The following CASD1 variants were observed in gnomAD, a reference collection of about 807,000 sequenced individuals.
The protein encoded by CASD1 is N-acetylneuraminate (7)9-O-acetyltransferase.
CASD1 carries 41 observed loss-of-function variants against 100.0 expected under a neutral mutation model. The ratio of observed to expected loss-of-function variants is 0.41; its 90% confidence interval spans 0.32 to 0.53. The LOEUF (loss-of-function observed/expected upper bound fraction) is 0.53. Ranked by LOEUF, CASD1 falls within the 20% of genes least tolerant of loss-of-function variation. CASD1 has a pLI of 0.25. For missense variants in CASD1, 774 were observed against 948.7 expected (o/e 0.82, Z 2.42); for synonymous variants, 321 against 315.6 (o/e 1.02, Z -0.18).
intron 1 of CASD1, among the ~76,000 whole-genome samples, chr7:94,513,026 GGGTTAAACAACT>G (rs574147326): frequency 2.9e-3 from 435 of 152,304 alleles, no homozygotes; most frequent in South Asian, 8.3e-3. Context: ...AGGGAAGCAT[GGGTTAAACAACT>G]TAGAAACAGT....
downstream of CASD1, among the ~76,000 whole-genome samples, chr7:94,560,733 TTAAA>T (rs1339262508): frequency 1.3e-5 from 2 of 152,162 alleles, no homozygotes; most frequent in Non-Finnish European, 1.5e-5. Flanking sequence ...GAAATATTCT[TTAAA>T]TAGCCCTGGG....
chr7:94,587,398 C>G, the CASD1 span: 2 of 1,117,706 alleles, frequency 1.8e-6, no homozygotes, highest in Non-Finnish European at 1.1e-6. Context: ...CTACTCACTC[C>G]ATGCCTGAAA....
chr7:94,555,916 A>G lies in CASD1; in HGVS notation c.*158A>G, dbSNP rs975757982. On this transcript the variant is annotated 3_prime_UTR_variant, in exon 18 of 18. Coordinates refer to ENST00000297273, the MANE Select transcript of CASD1 (RefSeq NM_022900.5). ...ATCTGTTGAACATATGTGGTTGTAT[A>G]TATTGGAAATGTACATATCCAATAT... The G allele has an allele frequency of 3.0e-5, 21 of 704,312 alleles. No individual in the cohort carries two copies. Among genetic ancestry groups the G allele is most frequent in the Non-Finnish European group, 3.9e-5 (17 of 435,784 alleles). 43.6% of individuals were successfully genotyped at this position (704,312 alleles called of 1,614,324 possible).
chr7:94,598,658 T>C, the CASD1 span: 3 of 806,264 alleles, frequency 3.7e-6, no homozygotes, highest in Admixed American at 3.5e-5. Context: ...TGTCCTTTTG[T>C]TATTTTCTCT....
the CASD1 span, chr7:94,597,624 AG>A: frequency 2.0e-5 from 3 of 152,360 alleles, no homozygotes; most frequent in East Asian, 5.8e-4. Context: ...CATCTATAAA[AG>A]TAAAGTGAAA....
chr7:94,555,245 C>A (rs537940060), intron 17 of CASD1, among the ~76,000 whole-genome samples: 3 of 151,960 alleles, frequency 2.0e-5, no homozygotes, highest in Non-Finnish European at 4.4e-5. Flanking sequence ...ATAAATTCCT[C>A]TTTGAGTTCT....
At chr7:94,615,697 G>A in the CASD1 span, among the ~76,000 whole-genome samples, 10 of 152,292 alleles carry the variant, frequency 6.6e-5, no homozygotes, top group South Asian at 2.1e-3. Flanking sequence ...GGAAATAGTG[G>A]TAAGTTTGAC....
the CASD1 span, chr7:94,629,969 A>G: frequency 1.1e-5 from 11 of 1,024,826 alleles, no homozygotes; most frequent in East Asian, 2.5e-5. Context: ...CTGAAGCAAC[A>G]TGCAAGGAAA....
chr7:94,552,872 G>A (rs1049295841), intron 16 of CASD1, among the ~76,000 whole-genome samples: 1 of 152,162 alleles, frequency 6.6e-6, no homozygotes, highest in Non-Finnish European at 1.5e-5. Context: ...AGAAGGCGGA[G>A]GTTGCAGTGA....
the CASD1 span, among the ~76,000 whole-genome samples, chr7:94,612,801 A>G: frequency 6.6e-6 from 1 of 151,988 alleles, no homozygotes; most frequent in South Asian, 2.1e-4. Context: ...TCCTCCTTCT[A>G]TCTTCTTCTC....
At position 94,553,200 on chromosome 7, in the gene CASD1, T is replaced by C. The variant is rs368303460; in HGVS notation, c.2034+773T>C. On this transcript the variant is annotated intron_variant, in intron 16 of 17. Coordinates refer to ENST00000297273, the MANE Select transcript of CASD1 (RefSeq NM_022900.5). ...TATTTACAATGTTTCTTTAAATGAC[T>C]CACAACCTGTGCTATAGTAAGTACC... The C allele has an allele frequency of 2.7e-4, 111 of 414,276 alleles. 1 individual carries two copies. Among genetic ancestry groups the C allele is most frequent in the African/African-American group, 2.3e-3 (110 of 48,174 alleles). The allele number at this position is 414,276 out of a possible 1,614,324, so 25.7% of individuals were successfully genotyped here. A position where few individuals can be genotyped will look rare whatever the true frequency, so the allele number is the denominator to read the frequency against.
the CASD1 span, among the ~76,000 whole-genome samples, chr7:94,601,572 C>G: frequency 1.3e-5 from 2 of 149,926 alleles, no homozygotes; most frequent in African/African-American, 2.5e-5. Context: ...TTGAAGGACA[C>G]TAAAAATATA....
At chr7:94,536,687 A>C (rs1795138298) in intron 8 of CASD1, among the ~76,000 whole-genome samples, 1 of 134,868 alleles carries the variant, frequency 7.4e-6, no homozygotes, top group South Asian at 2.8e-4. Context: ...ATTTTCTCAA[A>C]TCTTGATTAT....
chr7:94,513,219 G>A (rs1006817977), intron 1 of CASD1, among the ~76,000 whole-genome samples: 2 of 151,220 alleles, frequency 1.3e-5, no homozygotes, highest in African/African-American at 4.9e-5. Flanking sequence ...CAGCTGCTCA[G>A]GAGGCTGAGG....
downstream of CASD1, among the ~76,000 whole-genome samples, chr7:94,560,594 A>G (rs1010844821): frequency 1.3e-5 from 2 of 152,226 alleles, no homozygotes; most frequent in African/African-American, 4.8e-5. Context: ...TATATTATTT[A>G]CACTAATATC....
the CASD1 span, among the ~76,000 whole-genome samples, chr7:94,580,269 A>T: frequency 6.6e-6 from 1 of 152,122 alleles, no homozygotes; most frequent in East Asian, 1.9e-4. Context: ...CTTTAAGTTC[A>T]TGCATGGTTT....
the CASD1 span, among the ~76,000 whole-genome samples, chr7:94,592,589 T>C: frequency 6.6e-6 from 1 of 152,200 alleles, no homozygotes; most frequent in African/African-American, 2.4e-5. Context: ...AAATAGAAAA[T>C]TGTGTAAATT....
At chr7:94,619,469 T>C in the CASD1 span, 1 of 152,322 alleles carries the variant, frequency 6.6e-6, no homozygotes, top group Non-Finnish European at 1.5e-5. Flanking sequence ...CCTCAATGTG[T>C]CATCAAAATT....
chr7:94,616,779 GATTTT>G, the CASD1 span: 1 of 152,092 alleles, frequency 6.6e-6, no homozygotes, highest in Non-Finnish European at 1.5e-5. Context: ...ACTCAAGTAA[GATTTT>G]ATTTTATGAG....
Sources: gnomAD v4.1 joint callset for allele counts (sites outside exome capture counted in the v4.1 genomes callset) on GRCh38, gnomAD v4.1.1 for gene constraint, MANE v1.5 for transcripts, NCBI Gene and HGNC (gene_info 2026-07-23, HGNC 2026-07-21) for gene names.